SLC6A2: variants seen among roughly 807,000 people sequenced by gnomAD.
SLC6A2 encodes solute carrier family 6 member 2.
A neutral mutation model predicts 71.7 loss-of-function variants in SLC6A2; 26 were observed. The ratio of observed to expected loss-of-function variants is 0.36; its 90% CI spans 0.27 to 0.50. The LOEUF is 0.50. Among genes scored for constraint, SLC6A2 ranks in the 20% least tolerant of loss-of-function variants. The pLI is 0.96. For synonymous variants in SLC6A2, 363 were observed against 337.9 expected, an observed-to-expected ratio of 1.07 and a Z score of -0.82; for missense variants, 581 against 803.9, an observed-to-expected ratio of 0.72 and a Z score of 3.35.
intron 4 of SLC6A2, among the ~76,000 whole-genome samples, chr16:55,683,113 G>A (rs1374078497): frequency 1.3e-5 from 2 of 152,118 alleles, no homozygotes; most frequent in African/African-American, 4.8e-5. Context: ...AGAGTGGTCA[G>A]GGGAACCCTT....
chr16:55,690,714 TA>T (rs1224096596), intron 5 of SLC6A2, among the ~76,000 whole-genome samples: 2 of 152,068 alleles, frequency 1.3e-5, no homozygotes, highest in East Asian at 1.9e-4. Flanking sequence ...TGGGGAGCTT[TA>T]AAAAAAATAC....
intron 2 of SLC6A2, among the ~76,000 whole-genome samples, chr16:55,660,585 A>T (rs1163904209): frequency 6.6e-6 from 1 of 152,222 alleles, no homozygotes; most frequent in East Asian, 1.9e-4. Context: ...GGGTCTTTGC[A>T]GTTGCAGAAG....
chr16:55,684,215 A>ACCTGAG (rs2142555647), intron 4 of SLC6A2, among the ~76,000 whole-genome samples: 1 of 149,032 alleles, frequency 6.7e-6, no homozygotes, highest in South Asian at 2.2e-4. Flanking sequence ...TGGGAGGACC[A>ACCTGAG]CCTGAGCCTG....
Position 55,698,513 on chromosome 16 carries a change from C to A in SLC6A2, c.1434C>A (p.Gly478=), listed in dbSNP as rs1457529160. ...VLTLLDTFAA[G]TSILFAVLME... ...CCCTCCTGGACACCTTTGCTGCGGG[C>A]ACCTCCATCCTTTTTGCTGTCCTCA... Residue 478 remains glycine (G), a synonymous_variant, in exon 11 of 15, where the codon GGC becomes GGA. Coordinates refer to ENST00000568943, the MANE Select transcript of SLC6A2 (RefSeq NM_001172501.3). 1 of 1,614,016 alleles carries A rather than the reference C, an allele frequency of 6.2e-7. No homozygotes were observed. The highest frequency in any genetic ancestry group is 1.3e-5 in the African/African-American group (1 of 74,912).
chr16:55,683,657 G>A (rs11866404), intron 4 of SLC6A2, among the ~76,000 whole-genome samples: 13 of 151,550 alleles, frequency 8.6e-5, no homozygotes, highest in Admixed American at 3.3e-4. Context: ...CAAAACAAAA[G>A]AAAAAAAACC....
At chr16:55,671,613 T>C (rs1262144935) in intron 3 of SLC6A2, 1 of 516,080 alleles carries the variant, frequency 1.9e-6, no homozygotes, top group Non-Finnish European at 3.4e-6. Flanking sequence ...GATCAGCCGC[T>C]GCACTAGATT....
At chr16:55,660,380 G>C (rs1173027352) in intron 2 of SLC6A2, among the ~76,000 whole-genome samples, 1 of 152,188 alleles carries the variant, frequency 6.6e-6, no homozygotes, top group African/African-American at 2.4e-5. Flanking sequence ...TTAGGGAGCA[G>C]TGCAGCCCTC....
intron 4 of SLC6A2, among the ~76,000 whole-genome samples, chr16:55,679,184 A>G (rs1965189518): frequency 6.6e-6 from 1 of 152,112 alleles, no homozygotes; most frequent in Non-Finnish European, 1.5e-5. Flanking sequence ...AGCGGAATTA[A>G]GCATCAGATA....
intron 4 of SLC6A2, among the ~76,000 whole-genome samples, chr16:55,672,452 T>A (rs1284338310): frequency 6.6e-6 from 1 of 152,114 alleles, no homozygotes; most frequent in Admixed American, 6.5e-5. Context: ...GTGTGTGCAC[T>A]TCAGGGAATG....
Position 55,700,175 on chromosome 16 carries a change from C to T in SLC6A2, c.1627C>T (p.Leu543Phe), listed in dbSNP as rs1448277457. ...GGTCAGCATCATCAACTTCAAGCCA[C>T]TCACCTACGACGACTACATCTTCCC... ...VVVSIINFKP[L>F]TYDDYIFPPW... The change falls in exon 13 of 15, where the codon CTC becomes TTC. Residue 543 changes from leucine (L) to phenylalanine (F), a missense_variant. Transcript: ENST00000568943. 6.2e-7 allele frequency: 1 copy of T among 1,614,136 alleles called. No homozygotes were observed. Among genetic ancestry groups the T allele is most frequent in the East Asian group, 2.2e-5 (1 of 44,852 alleles).
At chr16:55,680,767 G>C (rs1355712620) in intron 4 of SLC6A2, among the ~76,000 whole-genome samples, 1 of 152,140 alleles carries the variant, frequency 6.6e-6, no homozygotes. Context: ...TGGACAGTGG[G>C]GGTGGGGGTA....
At chr16:55,663,154 A>G (rs1360228182) in intron 2 of SLC6A2, among the ~76,000 whole-genome samples, 3 of 152,142 alleles carry the variant, frequency 2.0e-5, no homozygotes, top group African/African-American at 7.2e-5. Flanking sequence ...GGCTCACAGA[A>G]CTCAGAGGAA....
At chr16:55,693,903 T>C (rs1258108349) in intron 6 of SLC6A2, 107 bp from the exon 7 acceptor site, 5 of 814,310 alleles carry the variant, frequency 6.1e-6, no homozygotes, top group Non-Finnish European at 1.1e-5. Flanking sequence ...AGACCATGTT[T>C]CCTCTGGTCT....
intron 5 of SLC6A2, among the ~76,000 whole-genome samples, chr16:55,686,998 C>A (rs1965472681): frequency 6.6e-6 from 1 of 152,170 alleles, no homozygotes; most frequent in Non-Finnish European, 1.5e-5. Flanking sequence ...AGGCTTGATG[C>A]TAATACTAGT....
At chr16:55,681,017 C>T (rs1258176192) in intron 4 of SLC6A2, among the ~76,000 whole-genome samples, 1 of 152,114 alleles carries the variant, frequency 6.6e-6, no homozygotes, top group Non-Finnish European at 1.5e-5. Context: ...TACACCTGTG[C>T]ACCTCCTGTC....
chr16:55,699,709 TGGAGCTGG>T, intron 12 of SLC6A2, 55 bp downstream of exon 12: 2 of 1,279,282 alleles, frequency 1.6e-6, no homozygotes, highest in African/African-American at 2.9e-5. Context: ...GTGTCCAGGA[TGGAGCTGG>T]GTGAGGATAT....
chr16:55,671,136 A>G (rs1964897959), intron 3 of SLC6A2, among the ~76,000 whole-genome samples: 2 of 152,188 alleles, frequency 1.3e-5, no homozygotes, highest in South Asian at 4.1e-4. Context: ...TATAAGTGTA[A>G]AGAGTTAGTG....
At chr16:55,667,263 A>G (rs2142503120) in intron 2 of SLC6A2, among the ~76,000 whole-genome samples, 1 of 152,314 alleles carries the variant, frequency 6.6e-6, no homozygotes, top group South Asian at 2.1e-4. Context: ...CAAGGGGAGT[A>G]GCAGTTGGCC....
chr16:55,702,441 C>G lies in SLC6A2; in HGVS notation c.*95C>G, dbSNP rs1966002469. The G allele has an allele frequency of 6.2e-7, 1 of 1,609,278 alleles. No individual in the cohort carries two copies. The highest frequency in any genetic ancestry group is 8.5e-7 in the Non-Finnish European group (1 of 1,177,724). On this transcript the variant is annotated 3_prime_UTR_variant, in exon 15 of 15. Transcript: ENST00000568943. ...CTCGGACACCATCTTGGGATTCCTC[C>G]CCTGGAAGTTGTCCTTTCTGATCCT...
Sources: allele counts gnomAD v4.1 joint callset (sites outside exome capture counted in the v4.1 genomes callset), GRCh38; gene constraint gnomAD v4.1.1; transcripts MANE v1.5; gene names NCBI Gene and HGNC (gene_info 2026-07-23, HGNC 2026-07-21).